IL1RAPL1: variants seen among roughly 807,000 people sequenced by gnomAD.
IL1RAPL1 encodes interleukin-1 receptor accessory protein-like 1.
IL1RAPL1 carries 3 observed loss-of-function variants against 48.4 expected under a neutral mutation model. The ratio of observed to expected loss-of-function variants is 0.06; its 90% CI spans 0.03 to 0.16. The LOEUF is 0.16. Among genes scored for constraint, IL1RAPL1 ranks in the 10% least tolerant of loss-of-function variants. The pLI is 1.00. For missense variants in IL1RAPL1, 349 were observed against 530.6 expected, an observed-to-expected ratio of 0.66 and a Z score of 3.36; for synonymous variants, 185 against 187.7, an observed-to-expected ratio of 0.99 and a Z score of 0.12.
intron 2 of IL1RAPL1, among the ~76,000 whole-genome samples, chrX:28,835,490 G>T (rs1921181290): frequency 9.0e-6 from 1 of 110,843 alleles, no homozygotes; most frequent in Non-Finnish European, 1.9e-5. Context: ...CAGCACAGTG[G>T]GGGGAACTAA....
rs146166428 is a variant in IL1RAPL1 at position 29,136,419 on chromosome X, T to G, written c.83-146519T>G. 7.7e-3 allele frequency among the ~76,000 whole-genome samples: 861 copies of G among 111,810 alleles called. 5 individuals are homozygous for G. Among genetic ancestry groups the G allele is most frequent in the Non-Finnish European group, 0.014 (740 of 53,129 alleles). ...TGGGATTACAGGCGTGAGCTAACAC[T>G]CCCGGCTGCATTTGAACTCTTTATT... On this transcript the variant is annotated intron_variant, in intron 2 of 10. Transcript: ENST00000378993.
chrX:28,711,009 C>G (rs142282581), intron 1 of IL1RAPL1, among the ~76,000 whole-genome samples: 27 of 111,709 alleles, frequency 2.4e-4, no homozygotes, highest in African/African-American at 8.1e-4. Flanking sequence ...GTGACTTAGT[C>G]TAATGTACAT....
At chrX:29,398,840 C>G (rs951905674) in intron 4 of IL1RAPL1, among the ~76,000 whole-genome samples, 2 of 111,564 alleles carry the variant, frequency 1.8e-5, no homozygotes, top group African/African-American at 6.5e-5. Flanking sequence ...ATTCTTATAT[C>G]TAATAAATCA....
At chrX:29,505,073 ACTTAT>A (rs1370419763) in intron 5 of IL1RAPL1, among the ~76,000 whole-genome samples, 1 of 112,117 alleles carries the variant, frequency 8.9e-6, no homozygotes, top group African/African-American at 3.2e-5. Flanking sequence ...AGAGACGACA[ACTTAT>A]CTTAGATAAA....
chrX:29,478,838 C>A (rs1935005677), intron 5 of IL1RAPL1, among the ~76,000 whole-genome samples: 1 of 110,645 alleles, frequency 9.0e-6, no homozygotes, highest in South Asian at 3.9e-4. Flanking sequence ...TCTCAGGTCA[C>A]CGCCTGAGTA....
chrX:29,177,841 G>A (rs773001108), intron 2 of IL1RAPL1, among the ~76,000 whole-genome samples: 2 of 111,429 alleles, frequency 1.8e-5, no homozygotes, highest in East Asian at 2.8e-4. Context: ...AGAATATGTC[G>A]TGTTTGGTTT....
chrX:28,821,955 T>G (rs1936941792), intron 2 of IL1RAPL1, among the ~76,000 whole-genome samples: 1 of 111,315 alleles, frequency 9.0e-6, no homozygotes. Context: ...GTTAGAGGTT[T>G]TGATAGCATT....
At chrX:28,894,611 T>C (rs1351338122) in intron 2 of IL1RAPL1, among the ~76,000 whole-genome samples, 2 of 110,620 alleles carry the variant, frequency 1.8e-5, no homozygotes, top group Non-Finnish European at 3.8e-5. Flanking sequence ...AGGAAGAAGA[T>C]AGATTTTAGG....
At chrX:29,027,322 A>C (rs1007309551) in intron 2 of IL1RAPL1, among the ~76,000 whole-genome samples, 1 of 111,789 alleles carries the variant, frequency 8.9e-6, no homozygotes, top group Non-Finnish European at 1.9e-5. Flanking sequence ...AGCTTTTTTC[A>C]CTTAGTATCA....
intron 2 of IL1RAPL1, among the ~76,000 whole-genome samples, chrX:29,054,114 G>C (rs143089617): frequency 1.4e-3 from 155 of 111,000 alleles, no homozygotes; most frequent in African/African-American, 4.9e-3. Flanking sequence ...ATCTCCCTTA[G>C]ATCAAAATTC....
chrX:29,155,835 A>G (rs1263466409), intron 2 of IL1RAPL1, among the ~76,000 whole-genome samples: 2 of 111,388 alleles, frequency 1.8e-5, no homozygotes, highest in Admixed American at 1.9e-4. Context: ...TTCATAACAC[A>G]TGATTTGACT....
intron 2 of IL1RAPL1, among the ~76,000 whole-genome samples, chrX:29,218,819 T>C (rs1930923591): frequency 8.9e-6 from 1 of 112,141 alleles, no homozygotes. Flanking sequence ...ATTATAATAT[T>C]CCCTCAATTT....
At chrX:29,897,900 G>A (rs774322816) in intron 6 of IL1RAPL1, among the ~76,000 whole-genome samples, 34 of 111,965 alleles carry the variant, frequency 3.0e-4, no homozygotes, top group Non-Finnish European at 5.6e-4. Context: ...GGAAGATGGC[G>A]CATGATCTGC....
chrX:29,472,222 G>A (rs1934928994), intron 5 of IL1RAPL1, among the ~76,000 whole-genome samples: 1 of 111,635 alleles, frequency 9.0e-6, no homozygotes, highest in Non-Finnish European at 1.9e-5. Context: ...TGTAGACCAT[G>A]TCCTGTCTTC....
intron 1 of IL1RAPL1, among the ~76,000 whole-genome samples, chrX:28,626,491 T>C (rs887771072): frequency 2.7e-5 from 3 of 111,928 alleles, no homozygotes; most frequent in Non-Finnish European, 5.6e-5. Flanking sequence ...ATATAATTAT[T>C]ACATATAAGG....
chrX:29,599,146 T>A lies in IL1RAPL1; in HGVS notation c.704-69284T>A, dbSNP rs1033582768. 8.4e-4 allele frequency among the ~76,000 whole-genome samples: 94 copies of A among 111,945 alleles called. 1 individual carries two copies. Among genetic ancestry groups the A allele is most frequent in the Non-Finnish European group, 2.6e-4 (14 of 53,133 alleles). ...TTATATCGGTCATGTGAGATTTCTG[T>A]TTTGGTGTATTTGGAGGATTTGTTT... On this transcript the variant is annotated intron_variant, in intron 5 of 10. Transcript: ENST00000378993.
chrX:29,541,506 A>C (rs1220203073), intron 5 of IL1RAPL1, among the ~76,000 whole-genome samples: 1 of 111,924 alleles, frequency 8.9e-6, no homozygotes, highest in Non-Finnish European at 1.9e-5. Flanking sequence ...CACTATTGGT[A>C]ATAGCAAAGA....
In IL1RAPL1 at chrX:28,779,618, A is replaced by G. The variant is rs572843461; in HGVS notation, c.-24-9702A>G. ...TTATCAGGTACAGAGTGATACTATT[A>G]TGTGTGTGTGTGTGTGTATATATAT... is the stretch of plus-strand genomic sequence containing the variant. On this transcript the variant is annotated intron_variant, in intron 1 of 10. Coordinates refer to ENST00000378993, the MANE Select transcript of IL1RAPL1 (RefSeq NM_014271.4). 1.4e-4 allele frequency among the ~76,000 whole-genome samples: 5 copies of G among 34,864 alleles called. No homozygotes were observed. In the East Asian group the frequency reaches 8.9e-3, roughly 62 times the overall value. The allele number at this position is 34,864 out of a possible 115,157, so 30.3% of individuals were successfully genotyped here. A position where few individuals can be genotyped will look rare whatever the true frequency, so the allele number is the denominator to read the frequency against.
intron 6 of IL1RAPL1, among the ~76,000 whole-genome samples, chrX:29,775,056 C>A (rs974437032): frequency 2.1e-4 from 23 of 111,644 alleles, no homozygotes; most frequent in Admixed American, 1.1e-3. Flanking sequence ...TTAAGGAAAG[C>A]AGATCTAATT....
Sources: gnomAD v4.1 joint callset for allele counts (sites outside exome capture counted in the v4.1 genomes callset) on GRCh38, gnomAD v4.1.1 for gene constraint, MANE v1.5 for transcripts, NCBI Gene and HGNC (gene_info 2026-07-23, HGNC 2026-07-21) for gene names.